MCC: variants seen among roughly 807,000 people sequenced by gnomAD.
MCC encodes the protein colorectal mutant cancer protein.
Under a neutral mutation model 116.2 loss-of-function variants are expected in MCC, and 90 were observed. The observed-to-expected ratio is 0.77, with a 90% CI of 0.65 to 0.92. MCC has a LOEUF of 0.92. Ranked by LOEUF, MCC falls within the 40% of genes least tolerant of loss-of-function variation. MCC has a pLI of 0.00. For synonymous variants in MCC, 578 were observed against 510.5 expected, an observed-to-expected ratio of 1.13 and a Z score of -1.78; for missense variants, 1,516 against 1,312.2, an observed-to-expected ratio of 1.16 and a Z score of -2.40.
intron 1 of MCC, among the ~76,000 whole-genome samples, chr5:113,415,853 T>A (rs1376837648): frequency 1.3e-5 from 2 of 152,208 alleles, no homozygotes; most frequent in Non-Finnish European, 2.9e-5. Context: ...AAAGGCGCTC[T>A]GGTTTTTAGA....
At chr5:113,050,662 T>C (rs1382826149) in intron 15 of MCC, among the ~76,000 whole-genome samples, 1 of 152,238 alleles carries the variant, frequency 6.6e-6, no homozygotes, top group Non-Finnish European at 1.5e-5. Flanking sequence ...CTGAAGGTTC[T>C]GGCAACACTG....
At chr5:113,132,744 C>T (rs1758538798) in intron 5 of MCC, among the ~76,000 whole-genome samples, 1 of 152,060 alleles carries the variant, frequency 6.6e-6, no homozygotes, top group East Asian at 1.9e-4. Flanking sequence ...TAACTTTTAC[C>T]ACTGGATAAT....
intron 3 of MCC, among the ~76,000 whole-genome samples, chr5:113,248,819 TTC>T (rs927578566): frequency 6.6e-6 from 1 of 150,626 alleles, no homozygotes; most frequent in Non-Finnish European, 1.5e-5. Flanking sequence ...TGTGCTCTCA[TTC>T]TCTCTCTCTT....
rs572143145 is a variant in MCC, at chr5:113,337,985, C to G, written c.627+2534G>C. Among the ~76,000 whole-genome samples the G allele has an allele frequency of 2.6e-5, 4 of 152,260 alleles. No individual in the cohort carries two copies. The East Asian group carries it at 7.7e-4, about 29-fold the overall frequency. On this transcript the variant is annotated intron_variant, in intron 3 of 18. Coordinates refer to ENST00000408903, the MANE Select transcript of MCC (RefSeq NM_001085377.2). ...TAAAACAACCATCATGTATCACTCTCACGTATCTGACAGAAGGACTCTAGA... is the reference window on the plus strand; with the variant it reads ...TAAAACAACCATCATGTATCACTCTGACGTATCTGACAGAAGGACTCTAGA...
chr5:113,346,976 A>C (rs143305985), intron 2 of MCC, among the ~76,000 whole-genome samples: 24 of 152,224 alleles, frequency 1.6e-4, no homozygotes, highest in African/African-American at 4.8e-4. Flanking sequence ...CTAGAATAGT[A>C]TATCTGGTGA....
intron 14 of MCC, among the ~76,000 whole-genome samples, chr5:113,056,942 G>T (rs1043728045): frequency 2.0e-5 from 3 of 152,192 alleles, no homozygotes; most frequent in African/African-American, 7.2e-5. Flanking sequence ...AAGCAGGGAA[G>T]AGGCGTGGGG....
At chr5:113,155,956 A>T (rs1760147829) in intron 3 of MCC, among the ~76,000 whole-genome samples, 1 of 152,172 alleles carries the variant, frequency 6.6e-6, no homozygotes, top group Non-Finnish European at 1.5e-5. Context: ...ACTGTGTGAG[A>T]GGTATGGGAA....
At chr5:113,095,162 C>T (rs1205262735) in intron 8 of MCC, among the ~76,000 whole-genome samples, 1 of 152,160 alleles carries the variant, frequency 6.6e-6, no homozygotes, top group Non-Finnish European at 1.5e-5. Context: ...CCCCATGTTG[C>T]TGTAACAGAG....
chr5:113,094,312 G>A (rs954358948), intron 8 of MCC, among the ~76,000 whole-genome samples: 3 of 151,860 alleles, frequency 2.0e-5, no homozygotes, highest in East Asian at 1.9e-4. Context: ...TCCATCTCTC[G>A]GTAAGTTTGA....
At chr5:113,268,558 G>A (rs751009686) in intron 3 of MCC, among the ~76,000 whole-genome samples, 7 of 152,172 alleles carry the variant, frequency 4.6e-5, no homozygotes, top group Admixed American at 6.5e-5. Flanking sequence ...AAGGTAGCTA[G>A]ATGATACGAC....
At chr5:113,117,067 T>A (rs1177222761) in intron 6 of MCC, among the ~76,000 whole-genome samples, 5 of 152,244 alleles carry the variant, frequency 3.3e-5, no homozygotes, top group Non-Finnish European at 5.9e-5. Context: ...TCTAGCCACC[T>A]CATTCCTAGC....
intron 3 of MCC, among the ~76,000 whole-genome samples, chr5:113,168,913 G>T (rs1269358418): frequency 6.6e-6 from 1 of 152,134 alleles, no homozygotes; most frequent in African/African-American, 2.4e-5. Context: ...GCAGGCATCA[G>T]CCCCCATGAT....
chr5:113,134,744 G>A (rs1165361335), intron 5 of MCC, among the ~76,000 whole-genome samples: 2 of 151,668 alleles, frequency 1.3e-5, no homozygotes, highest in African/African-American at 2.4e-5. Context: ...TGAAAAATCA[G>A]ACGTTGGTGA....
chr5:113,251,319 A>G (rs1299780916), intron 3 of MCC, among the ~76,000 whole-genome samples: 2 of 152,214 alleles, frequency 1.3e-5, no homozygotes, highest in Admixed American at 6.5e-5. Flanking sequence ...TTTGATTTCA[A>G]CTGTTAGAAT....
At chr5:113,471,471 G>A (rs1200438131) in intron 1 of MCC, among the ~76,000 whole-genome samples, 1 of 152,034 alleles carries the variant, frequency 6.6e-6, no homozygotes, top group Non-Finnish European at 1.5e-5. Flanking sequence ...CGGCAGCGGT[G>A]GCTGCAGAGC....
chr5:113,308,770 T>A (rs1310052772), intron 3 of MCC, among the ~76,000 whole-genome samples: 1 of 149,774 alleles, frequency 6.7e-6, no homozygotes, highest in Non-Finnish European at 1.5e-5. Context: ...GCCATGGTAC[T>A]CCAGCCTGGG....
intron 2 of MCC, among the ~76,000 whole-genome samples, chr5:113,371,089 C>T (rs548978563): frequency 7.9e-5 from 12 of 152,210 alleles, no homozygotes; most frequent in African/African-American, 2.2e-4. Flanking sequence ...GGTGTGGTGG[C>T]GCATGCCTGG....
At chr5:113,120,194 C>T (rs960883726) in intron 6 of MCC, among the ~76,000 whole-genome samples, 3 of 152,072 alleles carry the variant, frequency 2.0e-5, no homozygotes, top group African/African-American at 7.2e-5. Flanking sequence ...CTTGGGGCTG[C>T]CAGGGTTAGA....
chr5:113,471,641 GC>G (rs1357921873), intron 1 of MCC, among the ~76,000 whole-genome samples: 1 of 152,096 alleles, frequency 6.6e-6, no homozygotes, highest in Admixed American at 6.5e-5. Context: ...GAGGCAGTCT[GC>G]CCTTTCTCAG....
Sources: gnomAD v4.1 joint callset for allele counts (sites outside exome capture counted in the v4.1 genomes callset) on GRCh38, gnomAD v4.1.1 for gene constraint, MANE v1.5 for transcripts, NCBI Gene and HGNC (gene_info 2026-07-23, HGNC 2026-07-21) for gene names.